Variants in SYTL2 observed in about 807,000 individuals in gnomAD.
The protein encoded by SYTL2 is synaptotagmin-like protein 2.
Under a neutral mutation model 198.7 loss-of-function variants are expected in SYTL2, and 165 were observed. That is an observed-to-expected ratio of 0.83 (90% CI 0.73 to 0.94). The LOEUF is 0.94. Ranked by LOEUF, SYTL2 falls within the 40% of genes least tolerant of loss-of-function variation. The probability of loss-of-function intolerance (pLI) is 0.00; values close to 1 mark genes in which losing one functional copy is unlikely to be tolerated. For synonymous variants in SYTL2, 966 were observed against 917.7 expected (o/e 1.05, Z -0.95); for missense variants, 2,835 against 2,582.8 (o/e 1.10, Z -2.12).
upstream of SYTL2, among the ~76,000 whole-genome samples, chr11:85,812,986 A>G (rs1048084195): frequency 3.9e-5 from 6 of 152,060 alleles, no homozygotes; most frequent in African/African-American, 1.4e-4. Flanking sequence ...GGTCTTGCTC[A>G]CCTCTGGGTG....
chr11:85,726,466 TA>T lies in SYTL2; in HGVS notation c.2891del (p.Leu964GlnfsTer22). ...ESNANFKVMS[L>X]KERMDEPNAE... ...CATTGGGTTCATCCATTCTTTCTTT[TA>T]GGGACATAACTTTAAAGTTGGCATT... On this transcript the variant is annotated frameshift_variant, in exon 8 of 20. Transcript: ENST00000359152. LOFTEE classifies it high-confidence loss of function. The T allele has an allele frequency of 6.2e-7, 1 of 1,612,546 alleles. No homozygotes were observed. Among genetic ancestry groups the T allele is most frequent in the Non-Finnish European group, 8.5e-7 (1 of 1,179,972 alleles).
chr11:85,702,240 A>G (rs1179581490), intron 16 of SYTL2, among the ~76,000 whole-genome samples: 1 of 146,690 alleles, frequency 6.8e-6, no homozygotes, highest in African/African-American at 2.5e-5. Context: ...CCCACACTGG[A>G]GTGCAATGGC....
In SYTL2 at chr11:85,735,481, G is replaced by A. The variant is rs75631732; in HGVS notation, c.587-739C>T. Among the ~76,000 whole-genome samples, 367 of 152,296 alleles carry A rather than the reference G, an allele frequency of 2.4e-3. 1 individual carries two copies. The highest frequency in any genetic ancestry group is 0.015 in the East Asian group (78 of 5,186). ...TGTCAGAAAGTTAAAAACAGGCCAAGCGCAGTGGCTCACACCTGTAATCCC... is the reference window on the plus strand; with the variant it reads ...TGTCAGAAAGTTAAAAACAGGCCAAACGCAGTGGCTCACACCTGTAATCCC... On this transcript the variant is annotated intron_variant, in intron 6 of 19. Coordinates refer to ENST00000359152, the MANE Select transcript of SYTL2 (RefSeq NM_206927.4).
At chr11:85,757,052 A>G (rs1036745247) in intron 2 of SYTL2, among the ~76,000 whole-genome samples, 2 of 152,232 alleles carry the variant, frequency 1.3e-5, no homozygotes, top group Non-Finnish European at 2.9e-5. Context: ...GAATGTTGAC[A>G]TGGAACATTT....
chr11:85,740,131 G>A (rs561621881), intron 4 of SYTL2, among the ~76,000 whole-genome samples: 2 of 152,250 alleles, frequency 1.3e-5, no homozygotes, highest in East Asian at 3.9e-4. Flanking sequence ...AAGGCCTGTG[G>A]AATGAAGTCT....
chr11:85,694,961 G>C lies in SYTL2; in HGVS notation c.*234C>G, dbSNP rs111387160. 4.6e-5 allele frequency: 16 copies of C among 350,274 alleles called. No individual in the cohort carries two copies. Among genetic ancestry groups the C allele is most frequent in the African/African-American group, 3.2e-4 (15 of 47,608 alleles). The allele number at this position is 350,274 out of a possible 1,614,324, so 21.7% of individuals were successfully genotyped here. ...CAGCAGCAGAAATTCAATTTTCCTA[G>C]CTTGTTCAAATATCTTATTTAATAT... On this transcript the variant is annotated 3_prime_UTR_variant, in exon 20 of 20. Transcript: ENST00000359152.
chr11:85,756,847 T>C lies in SYTL2; in HGVS notation c.101+778A>G, dbSNP rs551603939. 2.0e-5 allele frequency among the ~76,000 whole-genome samples: 3 copies of C among 152,298 alleles called. No individual in the cohort carries two copies. The South Asian group carries it at 6.2e-4, about 32-fold the overall frequency. The stretch of plus-strand genomic sequence containing the variant: ...CTGTGTCCCAGGAAGTAAGAACATA[T>C]CTTATGCTCCTTTTGGATAACTCCT... On this transcript the variant is annotated intron_variant, in intron 2 of 19. Coordinates refer to ENST00000359152, the MANE Select transcript of SYTL2 (RefSeq NM_206927.4).
At chr11:85,776,108 C>G (rs1358944467) in intron 1 of SYTL2, among the ~76,000 whole-genome samples, 1 of 152,166 alleles carries the variant, frequency 6.6e-6, no homozygotes. Flanking sequence ...CTACCCAGTT[C>G]TCTCACCCTT....
At chr11:85,756,324 T>C (rs2091864378) in intron 2 of SYTL2, among the ~76,000 whole-genome samples, 1 of 152,192 alleles carries the variant, frequency 6.6e-6, no homozygotes, top group African/African-American at 2.4e-5. Flanking sequence ...AGGAACAGCA[T>C]GATCCCCACT....
chr11:85,848,281 A>G, the SYTL2 span, among the ~76,000 whole-genome samples: 1 of 151,696 alleles, frequency 6.6e-6, no homozygotes, highest in Non-Finnish European at 1.5e-5. Context: ...AAAAAAAAAA[A>G]CCAAACCCTC....
chr11:85,749,710 G>A (rs925801588), intron 2 of SYTL2, among the ~76,000 whole-genome samples: 2 of 152,206 alleles, frequency 1.3e-5, no homozygotes, highest in Admixed American at 1.3e-4. Context: ...TTTATTAAAT[G>A]TTCCTAATGG....
At chr11:85,813,988 G>A (rs1338453486), upstream of SYTL2, among the ~76,000 whole-genome samples, 3 of 152,180 alleles carry the variant, frequency 2.0e-5, no homozygotes, top group African/African-American at 4.8e-5. Flanking sequence ...GATTACGGGC[G>A]TGAGCCACTG....
intron 6 of SYTL2, among the ~76,000 whole-genome samples, chr11:85,735,521 C>G (rs1194313951): frequency 6.6e-6 from 1 of 152,136 alleles, no homozygotes; most frequent in Non-Finnish European, 1.5e-5. Context: ...CTTTGGGAAG[C>G]CGAGGTGGGT....
Position 85,719,479 on chromosome 11 carries a change from T to C in SYTL2, c.5429-636A>G, listed in dbSNP as rs113467944. The C allele has an allele frequency of 4.8e-4, 125 of 261,962 alleles. 1 individual carries two copies. Among genetic ancestry groups the C allele is most frequent in the African/African-American group, 2.6e-3 (113 of 43,508 alleles). The allele number at this position is 261,962 out of a possible 1,614,324, so 16.2% of individuals were successfully genotyped here. A position where few individuals can be genotyped will look rare whatever the true frequency, so the allele number is the denominator to read the frequency against. ...GCCCCATGTTTCACAGGCAAGAGGT[T>C]TGCTAAATGGGCCAATTGTTCTGAG... On this transcript the variant is annotated intron_variant, in intron 9 of 19. Transcript: ENST00000359152.
intron 1 of SYTL2, among the ~76,000 whole-genome samples, chr11:85,792,001 A>G (rs1004144071): frequency 1.3e-5 from 2 of 152,124 alleles, no homozygotes; most frequent in African/African-American, 4.8e-5. Flanking sequence ...CTGAACCTAT[A>G]GAAAGTATAT....
At chr11:85,738,115 A>C (rs1291516429) in intron 4 of SYTL2, among the ~76,000 whole-genome samples, 1 of 152,154 alleles carries the variant, frequency 6.6e-6, no homozygotes, top group Non-Finnish European at 1.5e-5. Context: ...GGTAGGGGTA[A>C]GATTCCTGCT....
At chr11:85,826,471 G>A in the SYTL2 span, among the ~76,000 whole-genome samples, 1 of 152,234 alleles carries the variant, frequency 6.6e-6, no homozygotes, top group African/African-American at 2.4e-5. Context: ...AGCAAAGGTT[G>A]AATTTCAGAC....
rs1289485198 is a variant in SYTL2 at position 85,729,484 on chromosome 11, G to GTGAC, written c.1391-1521_1391-1518dup. On this transcript the variant is annotated intron_variant, in intron 7 of 19. Coordinates refer to ENST00000359152, the MANE Select transcript of SYTL2 (RefSeq NM_206927.4). ...TGGAAACTGAACAACTTGCTCCTGAGTGACTACTGGGTAAATAACGAAATA... is the reference window on the plus strand; with the variant it reads ...TGGAAACTGAACAACTTGCTCCTGAGTGACTGACTACTGGGTAAATAACGAAATA... Among the ~76,000 whole-genome samples the GTGAC allele has an allele frequency of 4.1e-4, 62 of 152,240 alleles. 1 individual carries two copies. The highest frequency in any genetic ancestry group is 3.4e-3 in the Middle Eastern group (1 of 294).
At chr11:85,825,343 C>G in the SYTL2 span, among the ~76,000 whole-genome samples, 1 of 149,936 alleles carries the variant, frequency 6.7e-6, no homozygotes, top group Non-Finnish European at 1.5e-5. Context: ...AGCCGAGATC[C>G]CGCCACTGCA....
Sources: gnomAD v4.1 joint callset for allele counts (sites outside exome capture counted in the v4.1 genomes callset) on GRCh38, gnomAD v4.1.1 for gene constraint, MANE v1.5 for transcripts, NCBI Gene and HGNC (gene_info 2026-07-23, HGNC 2026-07-21) for gene names.